The following CSMD1 variants were observed in gnomAD, a reference collection of about 807,000 sequenced individuals.
CSMD1 encodes the protein CUB and Sushi multiple domains 1, also known as CUB and sushi domain-containing protein 1.
Under a neutral mutation model 417.5 loss-of-function variants are expected in CSMD1, and 213 were observed. The observed-to-expected ratio is 0.51, with a 90% CI of 0.46 to 0.57. The LOEUF (loss-of-function observed/expected upper bound fraction) is 0.57, where lower values mean the gene tolerates loss of function less well. CSMD1 is among the 20% of genes least tolerant of loss of function. The pLI is 0.00. For missense variants in CSMD1, 6,923 were observed against 4,529.7 expected (o/e 1.53, Z -15.17); for synonymous variants, 2,862 against 1,736.8 (o/e 1.65, Z -16.11).
intron 3 of CSMD1, among the ~76,000 whole-genome samples, chr8:4,323,114 C>A (rs1053789856): frequency 2.6e-5 from 4 of 152,200 alleles, no homozygotes; most frequent in Admixed American, 2.0e-4. Context: ...TTTAATGAGA[C>A]ATTAATTGGT....
At chr8:4,247,190 C>T (rs1192912219) in intron 3 of CSMD1, among the ~76,000 whole-genome samples, 1 of 152,154 alleles carries the variant, frequency 6.6e-6, no homozygotes, top group Non-Finnish European at 1.5e-5. Context: ...ACACAGTTTG[C>T]ATAGCATTTC....
At chr8:3,506,583 C>G (rs1240920456) in intron 10 of CSMD1, among the ~76,000 whole-genome samples, 1 of 152,176 alleles carries the variant, frequency 6.6e-6, no homozygotes, top group African/African-American at 2.4e-5. Flanking sequence ...TTCAACCACG[C>G]CTCTAAATAT....
intron 3 of CSMD1, among the ~76,000 whole-genome samples, chr8:4,211,954 T>C (rs1300316785): frequency 1.3e-5 from 2 of 152,160 alleles, no homozygotes; most frequent in Non-Finnish European, 2.9e-5. Context: ...ACTGTATTCC[T>C]ATCTTAGAGA....
chr8:3,645,135 C>G (rs1182663729), intron 7 of CSMD1, among the ~76,000 whole-genome samples: 5 of 152,124 alleles, frequency 3.3e-5, no homozygotes, highest in Non-Finnish European at 7.3e-5. Flanking sequence ...AAAGCCAAAT[C>G]AGGATGAGTA....
intron 69 of CSMD1, among the ~76,000 whole-genome samples, chr8:2,941,165 G>C (rs1322013294): frequency 6.6e-6 from 1 of 152,128 alleles, no homozygotes; most frequent in Non-Finnish European, 1.5e-5. Flanking sequence ...CATCTGAAAT[G>C]TTTTTCATTG....
intron 6 of CSMD1, among the ~76,000 whole-genome samples, 159 bp downstream of exon 6, chr8:3,753,771 C>T (rs528260180): frequency 6.6e-6 from 1 of 152,254 alleles, no homozygotes; most frequent in East Asian, 1.9e-4. Flanking sequence ...TAATAAGTTC[C>T]CAGCTGTCGA....
At chr8:3,100,779 T>C (rs1046139408) in intron 46 of CSMD1, among the ~76,000 whole-genome samples, 5 of 152,210 alleles carry the variant, frequency 3.3e-5, no homozygotes, top group African/African-American at 1.2e-4. Context: ...TGAGGATTAG[T>C]ACTCTAGGAT....
At chr8:4,882,508 G>A (rs1009636952) in intron 1 of CSMD1, among the ~76,000 whole-genome samples, 1 of 151,746 alleles carries the variant, frequency 6.6e-6, no homozygotes, top group Non-Finnish European at 1.5e-5. Flanking sequence ...TCAAAGGAAG[G>A]CTTCCTCTCC....
In CSMD1 at chr8:3,578,450, G is replaced by T. The variant is rs529933125; in HGVS notation, c.1223-3384C>A. On this transcript the variant is annotated intron_variant, in intron 9 of 69. Transcript: ENST00000635120. ...AATGGGTGTCGAGAAAATCTCGGCAGTGCACGCAGGCCCTTGCAAAGGAAG... is the reference window on the plus strand; with the variant it reads ...AATGGGTGTCGAGAAAATCTCGGCATTGCACGCAGGCCCTTGCAAAGGAAG... Among the ~76,000 whole-genome samples, 3 of 152,302 alleles carry T rather than the reference G, an allele frequency of 2.0e-5. No homozygotes were observed. In the South Asian group the frequency reaches 6.2e-4, roughly 32 times the overall value.
At chr8:3,419,835 C>T (rs1295547483) in intron 12 of CSMD1, among the ~76,000 whole-genome samples, 1 of 152,074 alleles carries the variant, frequency 6.6e-6, no homozygotes, top group East Asian at 1.9e-4. Flanking sequence ...ACTTCTAGAC[C>T]ACAGTCTGGA....
intron 5 of CSMD1, among the ~76,000 whole-genome samples, chr8:3,978,748 G>C (rs1281700528): frequency 1.3e-5 from 2 of 152,068 alleles, no homozygotes; most frequent in Admixed American, 6.5e-5. Context: ...CCCAGCATAC[G>C]ACATCAGTGC....
chr8:3,271,305 C>T (rs984132783), intron 26 of CSMD1, among the ~76,000 whole-genome samples: 1 of 151,950 alleles, frequency 6.6e-6, no homozygotes, highest in African/African-American at 2.4e-5. Flanking sequence ...ATATGTGCCA[C>T]ATTTTCTTAA....
At chr8:3,344,379 G>A (rs1350310344) in intron 22 of CSMD1, among the ~76,000 whole-genome samples, 1 of 152,178 alleles carries the variant, frequency 6.6e-6, no homozygotes, top group Non-Finnish European at 1.5e-5. Flanking sequence ...GTTGAAAGGT[G>A]CAGCAAATCA....
intron 25 of CSMD1, among the ~76,000 whole-genome samples, chr8:3,298,876 C>T (rs539663021): frequency 1.2e-3 from 177 of 152,256 alleles, no homozygotes; most frequent in Non-Finnish European, 2.1e-3. Context: ...ATAATTTTCC[C>T]TTTCTTTATC....
At chr8:3,030,951 ATG>A (rs1810304241) in intron 50 of CSMD1, among the ~76,000 whole-genome samples, 1 of 152,100 alleles carries the variant, frequency 6.6e-6, no homozygotes, top group Non-Finnish European at 1.5e-5. Flanking sequence ...GAAGTCTAAA[ATG>A]GGAAGAAAAA....
At chr8:3,691,974 G>A (rs890684264) in intron 7 of CSMD1, among the ~76,000 whole-genome samples, 2 of 152,058 alleles carry the variant, frequency 1.3e-5, no homozygotes, top group African/African-American at 2.4e-5. Flanking sequence ...CCTGAATGAC[G>A]GTCTTTGTCC....
intron 3 of CSMD1, among the ~76,000 whole-genome samples, chr8:4,077,589 T>C (rs967066849): frequency 6.6e-6 from 1 of 152,010 alleles, no homozygotes; most frequent in African/African-American, 2.4e-5. Context: ...ATCAAATTCC[T>C]CCTGCTGTCA....
At chr8:3,666,232 C>A (rs1415546299) in intron 7 of CSMD1, among the ~76,000 whole-genome samples, 1 of 152,012 alleles carries the variant, frequency 6.6e-6, no homozygotes, top group African/African-American at 2.4e-5. Flanking sequence ...CCCCACCACA[C>A]TGGTGAGACT....
chr8:4,386,512 T>C (rs934685117), intron 3 of CSMD1, among the ~76,000 whole-genome samples: 3 of 152,224 alleles, frequency 2.0e-5, no homozygotes, highest in East Asian at 1.9e-4. Flanking sequence ...CTCAATCCCA[T>C]TGCTTGTCTA....
Sources: allele counts gnomAD v4.1 joint callset (sites outside exome capture counted in the v4.1 genomes callset), GRCh38; gene constraint gnomAD v4.1.1; transcripts MANE v1.5; gene names NCBI Gene and HGNC (gene_info 2026-07-23, HGNC 2026-07-21).